Variants in SLC8A1 observed in about 807,000 individuals in gnomAD.
SLC8A1 encodes the protein solute carrier family 8 member A1.
Under a neutral mutation model 68.3 loss-of-function variants are expected in SLC8A1, and 18 were observed. The observed-to-expected ratio is 0.26, with a 90% CI of 0.18 to 0.39. The LOEUF (loss-of-function observed/expected upper bound fraction) is 0.39. SLC8A1 is among the 10% of genes least tolerant of loss of function. The pLI, the probability that SLC8A1 is intolerant of heterozygous loss-of-function variation, is 1.00. For missense variants in SLC8A1, 985 were observed against 1,156.7 expected (o/e 0.85, Z 2.15); for synonymous variants, 475 against 415.5 (o/e 1.14, Z -1.74).
intron 3 of SLC8A1, 139 bp from the exon 5 acceptor site, chr2:40,174,981 C>G: frequency 1.2e-6 from 1 of 819,620 alleles, no homozygotes; most frequent in Admixed American, 2.5e-5. Context: ...GGAAAATGTT[C>G]ATGACTGAAT....
chr2:40,379,255 C>CAG, intron 2 of SLC8A1, among the ~76,000 whole-genome samples: 1 of 152,118 alleles, frequency 6.6e-6, no homozygotes. Context: ...TCTAAGCTTC[C>CAG]AGGTCATGTC....
chr2:40,389,815 A>G (rs1218357955), intron 2 of SLC8A1, among the ~76,000 whole-genome samples: 3 of 148,474 alleles, frequency 2.0e-5, no homozygotes, highest in Non-Finnish European at 4.5e-5. Context: ...AAATATATAT[A>G]TGATATATGA....
At chr2:40,185,342 G>C (rs2050506552) in intron 2 of SLC8A1, among the ~76,000 whole-genome samples, 1 of 152,176 alleles carries the variant, frequency 6.6e-6, no homozygotes, top group African/African-American at 2.4e-5. Flanking sequence ...AAACAACTTA[G>C]GTTCATCGGC....
chr2:40,278,725 A>G (rs943933868), intron 2 of SLC8A1, among the ~76,000 whole-genome samples: 1 of 152,100 alleles, frequency 6.6e-6, no homozygotes, highest in Admixed American at 6.6e-5. Flanking sequence ...ACAAGATGGC[A>G]CTTCATCTCG....
At chr2:40,179,304 C>T (rs2049025283) in intron 2 of SLC8A1, among the ~76,000 whole-genome samples, 2 of 152,238 alleles carry the variant, frequency 1.3e-5, no homozygotes, top group Admixed American at 6.5e-5. Flanking sequence ...TACTTTCAAA[C>T]ATCACCGATA....
intron 1 of SLC8A1, among the ~76,000 whole-genome samples, chr2:40,477,140 C>T (rs2149908602): frequency 6.6e-6 from 1 of 152,212 alleles, no homozygotes; most frequent in African/African-American, 2.4e-5. Flanking sequence ...ATACTATTTT[C>T]TGAAAACAGA....
At chr2:40,305,951 T>G (rs2072503297) in intron 2 of SLC8A1, among the ~76,000 whole-genome samples, 1 of 152,204 alleles carries the variant, frequency 6.6e-6, no homozygotes, top group Admixed American at 6.5e-5. Flanking sequence ...GTAAATGAAT[T>G]CAAGCAGGAT....
chr2:40,430,530 C>G (rs985917964), intron 1 of SLC8A1, among the ~76,000 whole-genome samples: 1 of 152,146 alleles, frequency 6.6e-6, no homozygotes, highest in African/African-American at 2.4e-5. Context: ...GTTTACAACT[C>G]AATCTTTCTG....
At chr2:40,324,557 T>A (rs999502053) in intron 2 of SLC8A1, among the ~76,000 whole-genome samples, 1 of 152,164 alleles carries the variant, frequency 6.6e-6, no homozygotes, top group Admixed American at 6.6e-5. Context: ...CAAAGTGAAG[T>A]AGCTCATTTG....
intron 1 of SLC8A1, among the ~76,000 whole-genome samples, chr2:40,489,687 C>T (rs1705194068): frequency 6.6e-6 from 1 of 152,018 alleles, no homozygotes; most frequent in African/African-American, 2.4e-5. Flanking sequence ...AACAGGCCCA[C>T]TCAGCTCTCT....
At chr2:40,256,997 G>A (rs1220364559) in intron 2 of SLC8A1, among the ~76,000 whole-genome samples, 1 of 145,762 alleles carries the variant, frequency 6.9e-6, no homozygotes, top group Non-Finnish European at 1.5e-5. Context: ...CAAATTATAA[G>A]ATTGAGCCTA....
At chr2:40,176,779 A>G (rs974374194) in intron 3 of SLC8A1, among the ~76,000 whole-genome samples, 8 of 152,200 alleles carry the variant, frequency 5.3e-5, no homozygotes, top group African/African-American at 1.9e-4. Context: ...TCATTATATC[A>G]TACTGCTCTC....
At chr2:40,491,952 C>A (rs1338928096) in intron 1 of SLC8A1, among the ~76,000 whole-genome samples, 1 of 152,152 alleles carries the variant, frequency 6.6e-6, no homozygotes, top group Non-Finnish European at 1.5e-5. Flanking sequence ...CCATCCCCAT[C>A]AAGCTACCAA....
chr2:40,307,288 T>C (rs1335291267), intron 2 of SLC8A1, among the ~76,000 whole-genome samples: 5 of 152,116 alleles, frequency 3.3e-5, no homozygotes, highest in African/African-American at 1.2e-4. Context: ...AAGTGAAACA[T>C]AGTAGTCACA....
In SLC8A1 at chr2:40,307,191, A is replaced by G. The variant is rs148211652; in HGVS notation, c.1808+121282T>C. ...CACACAAACACATACACACACACAC[A>G]CCAATATAACAGAATGTTATTCAGC... On this transcript the variant is annotated intron_variant, in intron 2 of 7. Coordinates refer to ENST00000406785, the Ensembl canonical transcript of SLC8A1. Among the ~76,000 whole-genome samples, 824 of 152,034 alleles carry G rather than the reference A, an allele frequency of 5.4e-3. 6 individuals carry two copies. Among genetic ancestry groups the G allele is most frequent in the African/African-American group, 0.019 (777 of 41,460 alleles).
chr2:40,376,827 A>T (rs1680040688), intron 2 of SLC8A1, among the ~76,000 whole-genome samples: 2 of 152,086 alleles, frequency 1.3e-5, no homozygotes, highest in Admixed American at 1.3e-4. Flanking sequence ...CTCTCCTGTC[A>T]ACTAAATAAT....
At chr2:40,315,072 T>C (rs1255148364) in intron 2 of SLC8A1, among the ~76,000 whole-genome samples, 1 of 152,046 alleles carries the variant, frequency 6.6e-6, no homozygotes, top group Non-Finnish European at 1.5e-5. Flanking sequence ...ATTCCCAATA[T>C]TAGGAGAGAA....
At chr2:40,143,848 T>C (rs1483846334) in intron 6 of SLC8A1, among the ~76,000 whole-genome samples, 1 of 152,192 alleles carries the variant, frequency 6.6e-6, no homozygotes, top group Non-Finnish European at 1.5e-5. Context: ...AGAGCTCTGA[T>C]AACCAGAAAA....
chr2:40,119,832 T>TC (rs1165448947), intron 7 of SLC8A1, among the ~76,000 whole-genome samples: 3 of 152,212 alleles, frequency 2.0e-5, no homozygotes, highest in Non-Finnish European at 4.4e-5. Flanking sequence ...AGACTTTTAG[T>TC]CCTGGCTCCT....
Sources: gnomAD v4.1 joint callset for allele counts (sites outside exome capture counted in the v4.1 genomes callset) on GRCh38, gnomAD v4.1.1 for gene constraint, MANE v1.5 for transcripts, NCBI Gene and HGNC (gene_info 2026-07-23, HGNC 2026-07-21) for gene names.